Variants in EXT2 observed in about 807,000 individuals in gnomAD.
EXT2 encodes the protein exostosin glycosyltransferase 2.
A neutral mutation model predicts 81.6 loss-of-function variants in EXT2; 53 were observed. The observed-to-expected ratio is 0.65, with a 90% confidence interval of 0.52 to 0.82. EXT2 has a LOEUF of 0.82. EXT2 is among the 40% of genes least tolerant of loss of function. The probability of loss-of-function intolerance (pLI) is 0.00; values close to 1 mark genes in which losing one functional copy is unlikely to be tolerated. For missense variants in EXT2, 774 were observed against 910.2 expected (o/e 0.85, Z 1.93); for synonymous variants, 320 against 340.0 (o/e 0.94, Z 0.65).
chr11:44,170,464 A>C (rs1955054412), intron 7 of EXT2, among the ~76,000 whole-genome samples: 1 of 152,202 alleles, frequency 6.6e-6, no homozygotes. Context: ...TAATAAAATC[A>C]GAACAAAAAC....
intron 13 of EXT2, among the ~76,000 whole-genome samples, chr11:44,241,370 C>T (rs1956035317): frequency 6.6e-6 from 1 of 152,202 alleles, no homozygotes; most frequent in Non-Finnish European, 1.5e-5. Flanking sequence ...AGGAAATTGA[C>T]TTTACCTTAT....
chr11:44,171,323 C>A (rs532252782), intron 7 of EXT2, among the ~76,000 whole-genome samples: 12 of 152,310 alleles, frequency 7.9e-5, no homozygotes, highest in African/African-American at 2.6e-4. Flanking sequence ...ATACTATAAA[C>A]TCTGCCATAA....
rs1953890457 is a variant in EXT2 at position 44,096,080 on chromosome 11, G to A, written c.-31+228G>A. On this transcript the variant is annotated intron_variant, in intron 1 of 13. Coordinates refer to ENST00000533608, the MANE Select transcript of EXT2 (RefSeq NM_207122.2). ...CCACTCCTGCTTCTCCTTCTCCTCC[G>A]GCGGCGGCCGCGCTTTCAGCATCTT... 4 of 690,074 alleles carry A rather than the reference G, an allele frequency of 5.8e-6. No individual in the cohort carries two copies. In the South Asian group the frequency reaches 6.2e-5, roughly 11 times the overall value. 42.7% of individuals were successfully genotyped at this position (690,074 alleles called of 1,614,324 possible).
At chr11:44,213,856 A>G (rs1039165676) in intron 10 of EXT2, among the ~76,000 whole-genome samples, 1 of 152,250 alleles carries the variant, frequency 6.6e-6, no homozygotes, top group African/African-American at 2.4e-5. Context: ...CAAGAGACAT[A>G]AATGTACAGA....
At chr11:44,232,607 G>T in intron 11 of EXT2, 111 bp downstream of exon 11, 2 of 1,346,508 alleles carry the variant, frequency 1.5e-6, no homozygotes, top group East Asian at 2.5e-5. Flanking sequence ...AAGCCATATT[G>T]TGTGACAGTA....
chr11:44,171,890 C>G, intron 8 of EXT2, 148 bp downstream of exon 8: 2 of 1,227,224 alleles, frequency 1.6e-6, no homozygotes, highest in Non-Finnish European at 2.3e-6. Context: ...CTGATAAGGG[C>G]AGCATAATTT....
intron 7 of EXT2, among the ~76,000 whole-genome samples, chr11:44,136,288 G>C (rs1054569385): frequency 6.6e-6 from 1 of 152,166 alleles, no homozygotes; most frequent in Non-Finnish European, 1.5e-5. Context: ...AGAGTAGTAA[G>C]CTAGGCCATT....
chr11:44,154,736 T>C (rs1385453150), intron 7 of EXT2, among the ~76,000 whole-genome samples: 2 of 152,164 alleles, frequency 1.3e-5, no homozygotes, highest in Non-Finnish European at 2.9e-5. Flanking sequence ...ATAGATGCTG[T>C]ACCTGTTTAC....
intron 6 of EXT2, among the ~76,000 whole-genome samples, chr11:44,129,791 A>G (rs1954463873): frequency 1.3e-5 from 2 of 152,278 alleles, no homozygotes; most frequent in Middle Eastern, 3.4e-3. Context: ...AGAGCACACT[A>G]GTGGAGTGGA....
chr11:44,178,924 G>A (rs1397377163), intron 8 of EXT2, among the ~76,000 whole-genome samples: 1 of 152,168 alleles, frequency 6.6e-6, no homozygotes, highest in East Asian at 1.9e-4. Context: ...AAGTGATCCA[G>A]TATGCTACCC....
intron 10 of EXT2, 44 bp downstream of exon 10, chr11:44,207,003 T>G (rs369209438): frequency 4.5e-6 from 7 of 1,570,076 alleles, no homozygotes; most frequent in African/African-American, 1.3e-5. Flanking sequence ...TAATATTACT[T>G]CCTATGACTG....
chr11:44,137,453 G>A (rs114204530), intron 7 of EXT2, among the ~76,000 whole-genome samples: 1,566 of 151,802 alleles, frequency 0.01, 23 homozygotes, highest in African/African-American at 0.034. Flanking sequence ...TAGGTCACCC[G>A]TTTTACTGTG....
chr11:44,109,152 A>G, intron 2 of EXT2, 42 bp from the exon 3 acceptor site: 1 of 1,598,966 alleles, frequency 6.3e-7, no homozygotes, highest in Non-Finnish European at 8.6e-7. Context: ...GTCTTTTCAT[A>G]GTTGACACAT....
At chr11:44,128,821 A>G (rs1362618246) in intron 6 of EXT2, among the ~76,000 whole-genome samples, 1 of 152,162 alleles carries the variant, frequency 6.6e-6, no homozygotes, top group Non-Finnish European at 1.5e-5. Context: ...CAGTTCTCCC[A>G]TCTGTATAGT....
At chr11:44,166,449 C>T (rs140364334) in intron 7 of EXT2, among the ~76,000 whole-genome samples, 5 of 152,212 alleles carry the variant, frequency 3.3e-5, no homozygotes, top group African/African-American at 1.2e-4. Context: ...TGACCAACTT[C>T]TGGACAACTT....
chr11:44,107,944 C>G lies in EXT2; in HGVS notation c.232C>G (p.Pro78Ala), dbSNP rs587778299. The change falls in exon 2 of 14, where the codon CCA becomes GCA. Residue 78 changes from proline (P) to alanine (A), a missense_variant. Physicochemically the swap from Pro to Ala is conservative, Grantham distance 27. Transcript: ENST00000533608. ...TAGGCTGCCAGCCGACAGTCCCATCCCAGAGCGGGGGGATCTCAGTTGCAG... is the reference window on the plus strand; with the variant it reads ...TAGGCTGCCAGCCGACAGTCCCATCGCAGAGCGGGGGGATCTCAGTTGCAG... ...VVRLPADSPI[P>A]ERGDLSCRMH... is the part of the protein sequence containing the mutation. The G allele has an allele frequency of 1.5e-5, 24 of 1,614,104 alleles. No homozygotes were observed. Among genetic ancestry groups the G allele is most frequent in the Non-Finnish European group, 1.4e-5 (17 of 1,180,052 alleles).
At chr11:44,225,741 T>G (rs1955831760) in intron 10 of EXT2, among the ~76,000 whole-genome samples, 1 of 152,176 alleles carries the variant, frequency 6.6e-6, no homozygotes, top group Non-Finnish European at 1.5e-5. Flanking sequence ...TTCGGGCCAA[T>G]TTAGACTTGA....
At chr11:44,224,433 G>A (rs2135243702) in intron 10 of EXT2, among the ~76,000 whole-genome samples, 2 of 151,750 alleles carry the variant, frequency 1.3e-5, no homozygotes, top group South Asian at 4.2e-4. Context: ...ATAATATTGA[G>A]GACATCATCT....
intron 1 of EXT2, among the ~76,000 whole-genome samples, chr11:44,101,578 C>T (rs1953983204): frequency 6.6e-6 from 1 of 152,184 alleles, no homozygotes; most frequent in Non-Finnish European, 1.5e-5. Context: ...GAAGGAATCA[C>T]CTGCACCTCC....
Sources: gnomAD v4.1 joint callset for allele counts (sites outside exome capture counted in the v4.1 genomes callset) on GRCh38, gnomAD v4.1.1 for gene constraint, MANE v1.5 for transcripts, NCBI Gene and HGNC (gene_info 2026-07-23, HGNC 2026-07-21) for gene names.